CFDP1: variants seen among roughly 807,000 people sequenced by gnomAD.
The protein encoded by CFDP1 is heterochromatin-stabilizing protein CFDP1.
In CFDP1, 31 loss-of-function variants were observed where a neutral mutation model predicts 40.1. The observed-to-expected ratio is 0.77, with a 90% CI of 0.58 to 1.04. CFDP1 has a LOEUF of 1.04. Ranked by LOEUF, CFDP1 falls within the 50% of genes least tolerant of loss-of-function variation. CFDP1 has a pLI of 0.00. For synonymous variants in CFDP1, 167 were observed against 120.0 expected (o/e 1.39, Z -2.56); for missense variants, 423 against 343.4 (o/e 1.23, Z -1.83).
chr16:75,325,025 A>G (rs1236413400), intron 5 of CFDP1: 1 of 152,226 alleles, frequency 6.6e-6, no homozygotes, highest in Non-Finnish European at 1.5e-5. Flanking sequence ...GGAGTCTTCT[A>G]GCATGGAAAG....
chr16:75,428,995 T>C (rs866893903), intron 1 of CFDP1, among the ~76,000 whole-genome samples: 3 of 146,900 alleles, frequency 2.0e-5, no homozygotes, highest in Non-Finnish European at 1.5e-5. Flanking sequence ...CATGAACCTG[T>C]AGTCCCAGCC....
intron 5 of CFDP1, among the ~76,000 whole-genome samples, chr16:75,342,810 G>T (rs909513403): frequency 6.6e-6 from 1 of 152,178 alleles, no homozygotes; most frequent in Non-Finnish European, 1.5e-5. Flanking sequence ...GTACAGTCTG[G>T]AGAAATTTTT....
intron 5 of CFDP1, among the ~76,000 whole-genome samples, chr16:75,393,618 CT>C (rs1597378507): frequency 6.6e-6 from 1 of 151,076 alleles, no homozygotes; most frequent in Non-Finnish European, 1.5e-5. Context: ...GTAGTCCCAG[CT>C]ACTCGGGAGG....
chr16:75,294,423 A>G (rs150908502), intron 6 of CFDP1, among the ~76,000 whole-genome samples: 1 of 152,306 alleles, frequency 6.6e-6, no homozygotes, highest in South Asian at 2.1e-4. Flanking sequence ...CTACAGCAGC[A>G]TGGTGATGCT....
Position 75,425,810 on chromosome 16 carries a change from G to C in CFDP1, c.64+7479C>G, listed in dbSNP as rs1002868256. On this transcript the variant is annotated intron_variant, in intron 1 of 6. Coordinates refer to ENST00000283882, the MANE Select transcript of CFDP1 (RefSeq NM_006324.3). ...GCACTTTGGGAGGCCGGGGTGGGCG[G>C]ATTACCTGAGAGGTCAGGAGTTCAA... Among the ~76,000 whole-genome samples, 6 of 151,892 alleles carry C rather than the reference G, an allele frequency of 4.0e-5. No individual in the cohort carries two copies. In the East Asian group the frequency reaches 1.2e-3, roughly 29 times the overall value.
intron 5 of CFDP1, among the ~76,000 whole-genome samples, chr16:75,327,004 C>T (rs1216949271): frequency 6.6e-6 from 1 of 152,218 alleles, no homozygotes; most frequent in Non-Finnish European, 1.5e-5. Flanking sequence ...GGCGCAGTGG[C>T]TGACGCCTGT....
At chr16:75,344,411 A>G (rs974217057) in intron 5 of CFDP1, among the ~76,000 whole-genome samples, 1 of 152,228 alleles carries the variant, frequency 6.6e-6, no homozygotes, top group Non-Finnish European at 1.5e-5. Context: ...ATTGCTTTAG[A>G]AAACAAAATC....
chr16:75,359,258 T>A (rs1366006233), intron 5 of CFDP1, among the ~76,000 whole-genome samples: 1 of 152,206 alleles, frequency 6.6e-6, no homozygotes, highest in African/African-American at 2.4e-5. Flanking sequence ...ACAACAGTTA[T>A]AACCCAGTCA....
chr16:75,335,353 C>T (rs1208292990), intron 5 of CFDP1, among the ~76,000 whole-genome samples: 1 of 151,940 alleles, frequency 6.6e-6, no homozygotes, highest in Non-Finnish European at 1.5e-5. Flanking sequence ...TCAAAATGAT[C>T]AAAAAAGGAC....
At chr16:75,420,842 ATTT>A (rs996599640) in intron 1 of CFDP1, among the ~76,000 whole-genome samples, 1 of 151,866 alleles carries the variant, frequency 6.6e-6, no homozygotes, top group Non-Finnish European at 1.5e-5. Flanking sequence ...TAGTTCAACT[ATTT>A]TTTTTATTTT....
chr16:75,347,343 CAAAAAAAAA>C (rs762900031), intron 5 of CFDP1, among the ~76,000 whole-genome samples: 2 of 91,624 alleles, frequency 2.2e-5, no homozygotes, highest in African/African-American at 7.8e-5. Context: ...GACTCCATCT[CAAAAAAAAA>C]AAAAAAAAAA....
chr16:75,339,158 C>T (rs373763470), intron 5 of CFDP1, among the ~76,000 whole-genome samples: 32 of 152,092 alleles, frequency 2.1e-4, no homozygotes, highest in South Asian at 8.3e-4. Context: ...AATGAGCCTC[C>T]TTATTGTATT....
At chr16:75,410,704 C>T (rs866351211) in intron 4 of CFDP1, among the ~76,000 whole-genome samples, 4 of 151,330 alleles carry the variant, frequency 2.6e-5, no homozygotes, top group African/African-American at 9.7e-5. Flanking sequence ...GTCAGGAGAT[C>T]GAGACCATCC....
intron 5 of CFDP1, among the ~76,000 whole-genome samples, chr16:75,368,120 A>G (rs1311748933): frequency 6.6e-6 from 1 of 152,200 alleles, no homozygotes; most frequent in Non-Finnish European, 1.5e-5. Context: ...AAAAGATTTA[A>G]CGGTCAAATG....
chr16:75,317,814 A>G (rs535082191), intron 5 of CFDP1, among the ~76,000 whole-genome samples: 11 of 152,250 alleles, frequency 7.2e-5, no homozygotes, highest in African/African-American at 2.6e-4. Context: ...ATCTGGCATT[A>G]AAAGTCAATG....
intron 5 of CFDP1, among the ~76,000 whole-genome samples, chr16:75,319,068 A>T (rs2078345048): frequency 6.6e-6 from 1 of 152,032 alleles, no homozygotes; most frequent in Non-Finnish European, 1.5e-5. Context: ...TATTTTTTTG[A>T]GATGAAGTTT....
intron 5 of CFDP1, among the ~76,000 whole-genome samples, chr16:75,375,200 T>C (rs1198004845): frequency 1.3e-5 from 2 of 151,764 alleles, no homozygotes; most frequent in African/African-American, 4.8e-5. Context: ...AAGCACTAAC[T>C]GTAAAAGACG....
intron 2 of CFDP1, among the ~76,000 whole-genome samples, chr16:75,413,431 G>T (rs992786612): frequency 2.0e-5 from 3 of 151,884 alleles, no homozygotes; most frequent in African/African-American, 7.3e-5. Context: ...ATGTTGGTGG[G>T]TGCCTATAAT....
intron 1 of CFDP1, among the ~76,000 whole-genome samples, chr16:75,428,843 G>C (rs930207304): frequency 6.6e-6 from 1 of 151,482 alleles, no homozygotes; most frequent in Non-Finnish European, 1.5e-5. Context: ...CAGGCCAGGC[G>C]TAGAGGCTCA....
Sources: allele counts gnomAD v4.1 joint callset (sites outside exome capture counted in the v4.1 genomes callset), GRCh38; gene constraint gnomAD v4.1.1; transcripts MANE v1.5; gene names NCBI Gene and HGNC (gene_info 2026-07-23, HGNC 2026-07-21).